Variants in ITSN2 observed in about 807,000 individuals in gnomAD.
ITSN2 encodes the protein intersectin 2, also known as intersectin-2.
A neutral mutation model predicts 243.7 loss-of-function variants in ITSN2; 156 were observed. The ratio of observed to expected loss-of-function variants is 0.64; its 90% CI spans 0.56 to 0.73. The LOEUF is 0.73. Ranked by LOEUF, ITSN2 falls within the 30% of genes least tolerant of loss-of-function variation. The probability of loss-of-function intolerance (pLI) is 0.00; values close to 1 mark genes in which losing one functional copy is unlikely to be tolerated. For missense variants in ITSN2, 1,801 were observed against 1,996.1 expected, an observed-to-expected ratio of 0.90 and a Z score of 1.86; for synonymous variants, 703 against 699.9, an observed-to-expected ratio of 1.00 and a Z score of -0.07.
In ITSN2 at chr2:24,204,850, T is replaced by C. The variant is rs1668699632; in HGVS notation, c.4762+364A>G. 1 of 413,596 alleles carries C rather than the reference T, an allele frequency of 2.4e-6. No individual in the cohort carries two copies. The highest frequency in any genetic ancestry group is 1.8e-5 in the South Asian group (1 of 56,026). 25.6% of individuals were successfully genotyped at this position (413,596 alleles called of 1,614,324 possible). A position where few individuals can be genotyped will look rare whatever the true frequency, so the allele number is the denominator to read the frequency against. On this transcript the variant is annotated intron_variant, in intron 38 of 39. Transcript: ENST00000355123. The surrounding 1 kb of genome is among the most constrained non-coding windows in gnomAD (Gnocchi z 5.1). ...ATTCAGTGTTCAGAAGAGTCATCAG[T>C]GGCTGGGCGCAGTGGCACTTTGTCA... is the stretch of plus-strand genomic sequence containing the variant.
intron 23 of ITSN2, among the ~76,000 whole-genome samples, chr2:24,256,591 G>A (rs1277530880): frequency 6.6e-6 from 1 of 152,136 alleles, no homozygotes; most frequent in Non-Finnish European, 1.5e-5. Context: ...TACAGAGTAG[G>A]AAATAAAGGT....
At chr2:24,348,068 A>T (rs923501293) in intron 1 of ITSN2, among the ~76,000 whole-genome samples, 2 of 152,134 alleles carry the variant, frequency 1.3e-5, no homozygotes, top group African/African-American at 4.8e-5. Context: ...GTGAGACCCT[A>T]TATCTATAAA....
chr2:24,317,927 C>A (rs1448411024), intron 2 of ITSN2, among the ~76,000 whole-genome samples: 1 of 152,158 alleles, frequency 6.6e-6, no homozygotes, highest in African/African-American at 2.4e-5. Context: ...GTGCCTCAAA[C>A]TATTGACAGT....
At chr2:24,338,766 A>T (rs1429462428) in intron 1 of ITSN2, among the ~76,000 whole-genome samples, 3 of 151,962 alleles carry the variant, frequency 2.0e-5, no homozygotes, top group African/African-American at 7.2e-5. Flanking sequence ...CTAAGGCAGG[A>T]GGATTGATGA....
At chr2:24,285,517 G>C (rs1283439655) in intron 16 of ITSN2, among the ~76,000 whole-genome samples, 1 of 152,160 alleles carries the variant, frequency 6.6e-6, no homozygotes, top group Non-Finnish European at 1.5e-5. Flanking sequence ...AATAGCTTAT[G>C]CTCTGGAAAC....
chr2:24,277,377 T>C (rs1471276486), intron 17 of ITSN2, among the ~76,000 whole-genome samples: 2 of 152,240 alleles, frequency 1.3e-5, no homozygotes, highest in African/African-American at 4.8e-5. Flanking sequence ...TTTTACTTGA[T>C]TGAAATAGTA....
rs946554846 is a variant in ITSN2, at chr2:24,225,205, C to A, written c.3578-4139G>T. ...ACTCTTCGCCATTTCCTTCTTAGCC[C>A]ATAAACATTGCTAAGTGTCCCTCCT... On this transcript the variant is annotated intron_variant, in intron 29 of 39. Transcript: ENST00000355123. This position sits in a 1 kb window ranked among gnomAD's most constrained non-coding sequence, Gnocchi z 4.2. 6.6e-6 allele frequency among the ~76,000 whole-genome samples: 1 copy of A among 152,124 alleles called. No homozygotes were observed. The highest frequency in any genetic ancestry group is 2.4e-5 in the African/African-American group (1 of 41,424).
intron 15 of ITSN2, among the ~76,000 whole-genome samples, chr2:24,292,652 G>A (rs575180198): frequency 6.6e-6 from 1 of 152,314 alleles, no homozygotes; most frequent in African/African-American, 2.4e-5. Flanking sequence ...ACCTAGGAAT[G>A]TACAGCCTAG....
chr2:24,239,612 C>T (rs74563925), intron 29 of ITSN2: 1 of 152,054 alleles, frequency 6.6e-6, no homozygotes, highest in African/African-American at 2.4e-5. Flanking sequence ...TTACCTCCTA[C>T]AGAAATTCAA....
In ITSN2 at chr2:24,345,340, T is replaced by C. The variant is rs1406537811; in HGVS notation, c.-34+14964A>G. Among the ~76,000 whole-genome samples, 7 of 152,310 alleles carry C rather than the reference T, an allele frequency of 4.6e-5. No homozygotes were observed. In the East Asian group the frequency reaches 1.3e-3, roughly 29 times the overall value. On this transcript the variant is annotated intron_variant, in intron 1 of 39. Transcript: ENST00000355123. The stretch of plus-strand genomic sequence containing the variant: ...ATGTACAATTATGAAGAGCAAAACA[T>C]GACAGTCATTCTTTATTACCTCACT...
intron 15 of ITSN2, among the ~76,000 whole-genome samples, chr2:24,289,056 C>T (rs948477233): frequency 6.6e-6 from 1 of 152,156 alleles, no homozygotes; most frequent in Non-Finnish European, 1.5e-5. Context: ...CAGTGTGATG[C>T]TTCCAACTTT....
chr2:24,242,858 C>G (rs1672894137), intron 29 of ITSN2, among the ~76,000 whole-genome samples: 1 of 152,022 alleles, frequency 6.6e-6, no homozygotes, highest in Non-Finnish European at 1.5e-5. Flanking sequence ...GTTTTTAGAT[C>G]TGATTAAACT....
Position 24,299,926 on chromosome 2 carries a change from C to T in ITSN2, c.1327G>A (p.Asp443Asn), listed in dbSNP as rs777149905. The T allele has an allele frequency of 5.0e-6, 8 of 1,608,426 alleles. No homozygotes were observed. In the Admixed American group the frequency reaches 8.5e-5, roughly 17 times the overall value. ...ERQREEERRK[D>N]IERREAAKQE... is the part of the protein sequence containing the mutation. ...AAAATAACCTCTCGTCTTTCTATGT[C>T]TTTTCTCCTTTCTTCCTCTCGTTGT... The change falls in exon 12 of 40, where the codon GAC (aspartate) becomes AAC (asparagine). Residue 443 changes from aspartate to asparagine, a missense_variant. Around this residue, in one of 5 missense-constraint regions of ITSN2, gnomAD observed 787 missense variants for 803.9 expected, o/e 0.98. Coordinates refer to ENST00000355123, the MANE Select transcript of ITSN2 (RefSeq NM_006277.3).
chr2:24,243,534 C>A (rs1336109162), intron 29 of ITSN2, among the ~76,000 whole-genome samples: 1 of 152,136 alleles, frequency 6.6e-6, no homozygotes, highest in East Asian at 1.9e-4. Context: ...CTCTGTTACC[C>A]AGGCTGGAGT....
chr2:24,280,251 C>T (rs1299996136), intron 17 of ITSN2, among the ~76,000 whole-genome samples: 3 of 152,162 alleles, frequency 2.0e-5, no homozygotes, highest in East Asian at 1.9e-4. Context: ...TGGTTAACCC[C>T]GGTGCTCTAC....
chr2:24,290,777 T>C (rs1047848472), intron 15 of ITSN2, among the ~76,000 whole-genome samples: 3 of 152,218 alleles, frequency 2.0e-5, no homozygotes, highest in Non-Finnish European at 1.5e-5. Flanking sequence ...TTGCCATACA[T>C]GCATGGGCTT....
Position 24,271,830 on chromosome 2 carries a change from C to T in ITSN2, c.2193G>A (p.Glu731=). 2.5e-6 allele frequency: 4 copies of T among 1,610,016 alleles called. No individual in the cohort carries two copies. The highest frequency in any genetic ancestry group is 3.4e-6 in the Non-Finnish European group (4 of 1,179,178). Residue 731 remains glutamate (E), a synonymous_variant, in exon 19 of 40, where the codon GAG becomes GAA. Transcript: ENST00000355123. ...GTTGTTTCTCCTCAGCTTTCCGTTC[C>T]TCTTCTTGAATTTTTTCTTGTGTTT... ...EEKTQEKIQE[E]ERKAEEKQRK...
At chr2:24,251,796 G>A (rs900459925) in intron 25 of ITSN2, among the ~76,000 whole-genome samples, 2 of 151,178 alleles carry the variant, frequency 1.3e-5, no homozygotes, top group African/African-American at 4.9e-5. Context: ...ATATAATTTC[G>A]CTTTTCAAAT....
chr2:24,302,156 T>C (rs1574226931), intron 9 of ITSN2, 54 bp from the exon 10 acceptor site: 1 of 1,259,266 alleles, frequency 7.9e-7, no homozygotes, highest in South Asian at 1.7e-5. Context: ...GAGTAAAATA[T>C]TGCCTTAAAA....
Sources: allele counts gnomAD v4.1 joint callset (sites outside exome capture counted in the v4.1 genomes callset), GRCh38; gene constraint gnomAD v4.1.1; regional missense constraint gnomAD v4.1.1; non-coding constraint Gnocchi (gnomAD v3.1); transcripts MANE v1.5; gene names NCBI Gene and HGNC (gene_info 2026-07-23, HGNC 2026-07-21).